Variants in SAMD5 observed in about 807,000 individuals in gnomAD.
The protein encoded by SAMD5 is sterile alpha motif domain-containing protein 5.
Under a neutral mutation model 11.3 loss-of-function variants are expected in SAMD5, and 13 were observed. The observed-to-expected ratio is 1.15, with a 90% confidence interval of 0.75 to 1.83. The LOEUF (loss-of-function observed/expected upper bound fraction) is 1.83, where lower values mean the gene tolerates loss of function less well. Ranked by LOEUF, SAMD5 falls within the 40% of genes most tolerant of loss-of-function variation. The pLI is 0.00. For missense variants in SAMD5, 255 were observed against 239.1 expected, an observed-to-expected ratio of 1.07 and a Z score of -0.44; for synonymous variants, 129 against 111.3, an observed-to-expected ratio of 1.16 and a Z score of -1.00.
the SAMD5 span, among the ~76,000 whole-genome samples, chr6:147,952,563 T>A: frequency 2.0e-5 from 3 of 152,272 alleles, no homozygotes; most frequent in Non-Finnish European, 2.9e-5. Context: ...CAGGCTGGAG[T>A]GCAGAGACGT....
intron 1 of SAMD5, among the ~76,000 whole-genome samples, chr6:147,630,323 A>T (rs1041099405): frequency 5.9e-5 from 9 of 152,122 alleles, no homozygotes; most frequent in African/African-American, 2.2e-4. Context: ...GTCATGGGTG[A>T]TTTGTACTAC....
At chr6:147,915,158 A>G in the SAMD5 span, among the ~76,000 whole-genome samples, 1 of 152,350 alleles carries the variant, frequency 6.6e-6, no homozygotes, top group Admixed American at 6.5e-5. Context: ...TGTTAAATAC[A>G]CAGAAGTTGA....
intron 1 of SAMD5, among the ~76,000 whole-genome samples, chr6:147,712,723 G>C (rs1791416705): frequency 2.0e-5 from 3 of 151,866 alleles, no homozygotes; most frequent in Admixed American, 2.0e-4. Context: ...ACAATGAAAA[G>C]GCAAGGTGGC....
downstream of SAMD5, among the ~76,000 whole-genome samples, chr6:147,573,922 A>G (rs1789175456): frequency 6.6e-6 from 1 of 152,156 alleles, no homozygotes. Flanking sequence ...CAGGAGATCA[A>G]GACCATCCTG....
intron 1 of SAMD5, among the ~76,000 whole-genome samples, chr6:147,618,705 G>A (rs796689714): frequency 2.6e-5 from 4 of 152,296 alleles, no homozygotes; most frequent in African/African-American, 7.2e-5. Flanking sequence ...CCTGACCAAT[G>A]TGAAGCTTGC....
chr6:147,746,834 C>T, the SAMD5 span, among the ~76,000 whole-genome samples: 7 of 152,172 alleles, frequency 4.6e-5, no homozygotes, highest in African/African-American at 7.2e-5. Flanking sequence ...GGTCACTAGG[C>T]GGCAGCCTGG....
the SAMD5 span, among the ~76,000 whole-genome samples, chr6:147,946,415 A>C: frequency 1.3e-5 from 2 of 152,182 alleles, no homozygotes; most frequent in Non-Finnish European, 2.9e-5. Flanking sequence ...TAAATTAATG[A>C]ATGGAGCATC....
intron 1 of SAMD5, among the ~76,000 whole-genome samples, chr6:147,710,890 A>T (rs1424573227): frequency 6.6e-6 from 1 of 151,924 alleles, no homozygotes; most frequent in Non-Finnish European, 1.5e-5. Flanking sequence ...TTGAAGGGAG[A>T]AACAGTGTCT....
At chr6:147,728,739 G>A (rs1318157163) in intron 1 of SAMD5, among the ~76,000 whole-genome samples, 1 of 152,142 alleles carries the variant, frequency 6.6e-6, no homozygotes, top group African/African-American at 2.4e-5. Flanking sequence ...GAAGTGTCCA[G>A]GAGTTTTTCT....
chr6:147,794,996 C>A, the SAMD5 span, among the ~76,000 whole-genome samples: 2 of 151,958 alleles, frequency 1.3e-5, no homozygotes, highest in East Asian at 3.9e-4. Context: ...ATGTACTATA[C>A]ACCAGAAATC....
downstream of SAMD5, among the ~76,000 whole-genome samples, chr6:147,572,451 T>C (rs1020865393): frequency 9.9e-5 from 15 of 152,274 alleles, no homozygotes; most frequent in Middle Eastern, 6.8e-3. Flanking sequence ...TAGTAAACAT[T>C]GTAATTTGTG....
the SAMD5 span, among the ~76,000 whole-genome samples, chr6:147,926,463 T>G: frequency 0.011 from 1,034 of 96,816 alleles, 14 homozygotes; most frequent in African/African-American, 0.056. Context: ...CTCATATGCT[T>G]GTTGGACACG....
At chr6:147,896,587 C>A in the SAMD5 span, among the ~76,000 whole-genome samples, 1 of 151,748 alleles carries the variant, frequency 6.6e-6, no homozygotes, top group Non-Finnish European at 1.5e-5. Context: ...CAAAAATTAA[C>A]CCAGTAACAG....
At chr6:147,588,575 C>T (rs916980549) in intron 1 of SAMD5, among the ~76,000 whole-genome samples, 1 of 152,056 alleles carries the variant, frequency 6.6e-6, no homozygotes, top group African/African-American at 2.4e-5. Context: ...ATCTGCCTGC[C>T]TCAGCCTCCC....
At chr6:147,909,555 AT>A in the SAMD5 span, among the ~76,000 whole-genome samples, 1 of 134,772 alleles carries the variant, frequency 7.4e-6, no homozygotes, top group African/African-American at 3.1e-5. Context: ...GTGACCATCC[AT>A]CTTTTTTCTT....
At chr6:147,918,302 G>A in the SAMD5 span, among the ~76,000 whole-genome samples, 2 of 152,070 alleles carry the variant, frequency 1.3e-5, no homozygotes, top group Non-Finnish European at 1.5e-5. Flanking sequence ...TGGATTCCTA[G>A]GTATTTTATT....
At position 147,596,414 on chromosome 6, in the gene SAMD5, A is replaced by G. The variant is rs575800423; in HGVS notation, c.162+87027A>G. On this transcript the variant is annotated intron_variant, in intron 1 of 1. Coordinates refer to the SAMD5 transcript ENST00000566741. ...TAATTTTCAGTTGCATATTTATTAG[A>G]CCTATTAGTCTGTGGTTATGGCCAT... 4.6e-5 allele frequency among the ~76,000 whole-genome samples: 7 copies of G among 152,302 alleles called. No homozygotes were observed. The South Asian group carries it at 1.5e-3, about 32-fold the overall frequency.
chr6:147,804,206 C>T, the SAMD5 span, among the ~76,000 whole-genome samples: 4 of 149,756 alleles, frequency 2.7e-5, no homozygotes, highest in Admixed American at 6.7e-5. Context: ...CTCTTGAGTT[C>T]AATCGATTCT....
the SAMD5 span, among the ~76,000 whole-genome samples, chr6:147,842,793 A>G: frequency 6.6e-6 from 1 of 152,216 alleles, no homozygotes; most frequent in Non-Finnish European, 1.5e-5. Flanking sequence ...TGAAATAGGC[A>G]TTTGTGCCCA....
Sources: allele counts gnomAD v4.1 joint callset (sites outside exome capture counted in the v4.1 genomes callset), GRCh38; gene constraint gnomAD v4.1.1; transcripts MANE v1.5; gene names NCBI Gene and HGNC (gene_info 2026-07-23, HGNC 2026-07-21).